NF2: variants seen among roughly 807,000 people sequenced by gnomAD.
NF2 encodes the protein NF2, moesin-ezrin-radixin like (MERLIN) tumor suppressor.
Under a neutral mutation model 83.7 loss-of-function variants are expected in NF2, and 8 were observed. That is an observed-to-expected ratio of 0.10 (90% CI 0.06 to 0.17). The LOEUF is 0.17. Ranked by LOEUF, NF2 falls within the 10% of genes least tolerant of loss-of-function variation. NF2 has a pLI of 1.00. For synonymous variants in NF2, 266 were observed against 269.6 expected (o/e 0.99, Z 0.13); for missense variants, 533 against 744.4 (o/e 0.72, Z 3.31).
intron 7 of NF2, among the ~76,000 whole-genome samples, chr22:29,660,752 A>G (rs1344793398): frequency 6.6e-6 from 1 of 152,112 alleles, no homozygotes; most frequent in Non-Finnish European, 1.5e-5. Flanking sequence ...TATTTTTAGT[A>G]GAGATGGGGT....
intron 9 of NF2, 47 bp downstream of exon 9, chr22:29,665,111 G>A (rs1435977889): frequency 7.2e-7 from 1 of 1,391,668 alleles, no homozygotes. Context: ...TAGCTTTTCT[G>A]AGAATTGAAT....
chr22:29,605,578 G>A (rs955550749), intron 1 of NF2, among the ~76,000 whole-genome samples: 2 of 152,082 alleles, frequency 1.3e-5, no homozygotes, highest in African/African-American at 2.4e-5. Context: ...CCAAAGTGAT[G>A]GGATTACAGA....
intron 15 of NF2, among the ~76,000 whole-genome samples, chr22:29,689,386 C>A (rs1366005082): frequency 6.6e-6 from 1 of 151,976 alleles, no homozygotes; most frequent in Non-Finnish European, 1.5e-5. Flanking sequence ...CCCTGTGGAT[C>A]CGGTGCCAGA....
intron 14 of NF2, among the ~76,000 whole-genome samples, chr22:29,679,516 G>A (rs771954464): frequency 6.6e-6 from 1 of 152,144 alleles, no homozygotes; most frequent in Admixed American, 6.5e-5. Context: ...TACTATCTTA[G>A]TTTGTTTTGG....
In NF2 at chr22:29,639,237, A is replaced by T. The variant is rs1003264092; in HGVS notation, c.363+25A>T. Reference sequence around the variant, plus strand: ...GGTACATCAGTCAAGGCTACCCCCCAGTTCTGAGAGAACTTGCCCAGGAGT... The same window carrying T: ...GGTACATCAGTCAAGGCTACCCCCCTGTTCTGAGAGAACTTGCCCAGGAGT... On this transcript the variant is annotated intron_variant, in intron 3 of 15. Coordinates refer to ENST00000338641, the MANE Select transcript of NF2 (RefSeq NM_000268.4). 3 of 1,613,784 alleles carry T rather than the reference A, an allele frequency of 1.9e-6. No individual in the cohort carries two copies. In the Middle Eastern group the frequency reaches 5.2e-4, roughly 277 times the overall value.
At chr22:29,643,269 C>A (rs1211027260) in intron 4 of NF2, among the ~76,000 whole-genome samples, 1 of 151,344 alleles carries the variant, frequency 6.6e-6, no homozygotes, top group Non-Finnish European at 1.5e-5. Context: ...GTCTGAGTCA[C>A]CATGCCTGGT....
At chr22:29,611,348 C>A (rs946931627) in intron 1 of NF2, among the ~76,000 whole-genome samples, 2 of 151,674 alleles carry the variant, frequency 1.3e-5, no homozygotes, top group African/African-American at 4.9e-5. Context: ...CATGGTGAAA[C>A]CCTGTCTCTA....
chr22:29,667,473 T>G (rs2066657808), intron 9 of NF2, among the ~76,000 whole-genome samples: 1 of 152,126 alleles, frequency 6.6e-6, no homozygotes, highest in African/African-American at 2.4e-5. Flanking sequence ...ACTCCTGGGC[T>G]CAAGCAATCT....
At chr22:29,620,566 T>G (rs913989299) in intron 1 of NF2, among the ~76,000 whole-genome samples, 15 of 147,206 alleles carry the variant, frequency 1.0e-4, no homozygotes, top group African/African-American at 3.8e-4. Context: ...TGGGAAAAAC[T>G]CGTCTCTACT....
intron 15 of NF2, among the ~76,000 whole-genome samples, chr22:29,686,301 A>G (rs1277927594): frequency 6.6e-6 from 1 of 152,222 alleles, no homozygotes; most frequent in Non-Finnish European, 1.5e-5. Flanking sequence ...GGGCATATTC[A>G]TTCATTGTAT....
chr22:29,692,537 C>T (rs2067434211), intron 15 of NF2, among the ~76,000 whole-genome samples: 1 of 152,230 alleles, frequency 6.6e-6, no homozygotes, highest in Non-Finnish European at 1.5e-5. Flanking sequence ...TCCAGGAATT[C>T]TTGGAGCCAA....
intron 14 of NF2, 121 bp from the exon 15 acceptor site, chr22:29,681,318 G>A: frequency 8.5e-7 from 1 of 1,176,860 alleles, no homozygotes; most frequent in Non-Finnish European, 1.3e-6. Flanking sequence ...GCCAAGTAGA[G>A]ACGTGAACCC....
intron 15 of NF2, among the ~76,000 whole-genome samples, chr22:29,688,333 C>T (rs939969531): frequency 5.9e-5 from 9 of 152,204 alleles, no homozygotes; most frequent in African/African-American, 1.2e-4. Context: ...CAGCTCTCCT[C>T]GGCACCGGAT....
At chr22:29,616,881 G>A (rs1041004621) in intron 1 of NF2, among the ~76,000 whole-genome samples, 1 of 152,032 alleles carries the variant, frequency 6.6e-6, no homozygotes, top group Admixed American at 6.6e-5. Context: ...GTTAGATGTT[G>A]TGAGAGGGTA....
chr22:29,653,239 TCCGAGACCAG>T (rs1322620384), intron 4 of NF2, among the ~76,000 whole-genome samples: 7 of 152,046 alleles, frequency 4.6e-5, no homozygotes, highest in Admixed American at 4.6e-4. Flanking sequence ...ACATCAGAAG[TCCGAGACCAG>T]CCTGGCCAAC....
At chr22:29,681,119 G>A (rs1257133156) in intron 14 of NF2, among the ~76,000 whole-genome samples, 1 of 151,414 alleles carries the variant, frequency 6.6e-6, no homozygotes, top group Non-Finnish European at 1.5e-5. Context: ...TCCAACTCCT[G>A]GGCTCAAGCA....
At chr22:29,665,366 C>G (rs2066592511) in intron 9 of NF2, among the ~76,000 whole-genome samples, 1 of 151,958 alleles carries the variant, frequency 6.6e-6, no homozygotes, top group Non-Finnish European at 1.5e-5. Context: ...GGCTCAGCCT[C>G]CCAAGTAGCT....
rs192761812 is a variant in NF2 at position 29,613,814 on chromosome 22, C to T, written c.114+9702C>T. Among the ~76,000 whole-genome samples, 415 of 150,522 alleles carry T rather than the reference C, an allele frequency of 2.8e-3. 5 individuals carry two copies. The highest frequency in any genetic ancestry group is 1.4e-3 in the East Asian group (7 of 4,920). On this transcript the variant is annotated intron_variant, in intron 1 of 15. Transcript: ENST00000338641. ...TCGCTCTGTCATCTAGGCTGGAGTG[C>T]AGTGGTGCAATCTTGGCTCACTGCA... is the stretch of plus-strand genomic sequence containing the variant.
intron 1 of NF2, among the ~76,000 whole-genome samples, chr22:29,630,013 A>G (rs1284016625): frequency 6.6e-6 from 1 of 151,856 alleles, no homozygotes; most frequent in African/African-American, 2.4e-5. Flanking sequence ...TTTCTTACTC[A>G]CCCCGCACTG....
Sources: gnomAD v4.1 joint callset for allele counts (sites outside exome capture counted in the v4.1 genomes callset) on GRCh38, gnomAD v4.1.1 for gene constraint, MANE v1.5 for transcripts, NCBI Gene and HGNC (gene_info 2026-07-23, HGNC 2026-07-21) for gene names.